The following KANK1 variants were observed in gnomAD, a reference collection of about 807,000 sequenced individuals.
KANK1 encodes the protein KN motif and ankyrin repeat domains 1, also known as KN motif and ankyrin repeat domain-containing protein 1.
A neutral mutation model predicts 106.2 loss-of-function variants in KANK1; 109 were observed. The observed-to-expected ratio is 1.03, with a 90% CI of 0.88 to 1.20. KANK1 has a LOEUF of 1.20. KANK1 is among the 50% of genes most tolerant of loss of function. KANK1 has a pLI of 0.00. For synonymous variants in KANK1, 873 were observed against 652.2 expected (o/e 1.34, Z -5.16); for missense variants, 2,399 against 1,710.7 (o/e 1.40, Z -7.10).
intron 3 of KANK1, among the ~76,000 whole-genome samples, chr9:490,830 G>C (rs1312675694): frequency 6.6e-6 from 1 of 152,044 alleles, no homozygotes; most frequent in East Asian, 1.9e-4. Flanking sequence ...CTCTTGTGGA[G>C]CTTATATTCT....
chr9:572,955 T>A (rs899012116), intron 1 of KANK1, among the ~76,000 whole-genome samples: 1 of 152,222 alleles, frequency 6.6e-6, no homozygotes, highest in African/African-American at 2.4e-5. Context: ...ATTATCACAA[T>A]GTATGTCCTA....
chr9:729,852 G>T (rs575521203), intron 3 of KANK1, among the ~76,000 whole-genome samples, 199 bp from the exon 4 acceptor site: 2 of 152,174 alleles, frequency 1.3e-5, no homozygotes, highest in African/African-American at 2.4e-5. Flanking sequence ...AAGAGGTGCT[G>T]TGGAGTTAGA....
intron 1 of KANK1, among the ~76,000 whole-genome samples, chr9:558,056 A>C (rs538748259): frequency 6.6e-6 from 1 of 152,220 alleles, no homozygotes; most frequent in South Asian, 2.1e-4. Flanking sequence ...CAAGGAACCC[A>C]GGAGTGAAGA....
At chr9:736,237 G>A (rs187835906) in intron 7 of KANK1, among the ~76,000 whole-genome samples, 8 of 152,110 alleles carry the variant, frequency 5.3e-5, no homozygotes, top group African/African-American at 1.9e-4. Context: ...GGATTTACAG[G>A]CATGACCCAC....
chr9:731,139 T>C lies in KANK1; in HGVS notation c.2897-19T>C, dbSNP rs2131739527. Reference sequence around the variant, plus strand: ...TATGGGTGTGAGTTTTCATTTTTATTGCCTTGACTTTTTCACAGCATGTAC... The same window carrying C: ...TATGGGTGTGAGTTTTCATTTTTATCGCCTTGACTTTTTCACAGCATGTAC... On this transcript the variant is annotated intron_variant, in intron 4 of 11. Transcript: ENST00000382297. 1 of 1,438,462 alleles carries C rather than the reference T, an allele frequency of 7.0e-7. No individual in the cohort carries two copies. Among genetic ancestry groups the C allele is most frequent in the Non-Finnish European group, 9.7e-7 (1 of 1,026,580 alleles). 89.1% of individuals were successfully genotyped at this position (1,438,462 alleles called of 1,614,324 possible).
At chr9:560,051 G>A (rs1398568857) in intron 1 of KANK1, among the ~76,000 whole-genome samples, 1 of 152,198 alleles carries the variant, frequency 6.6e-6, no homozygotes, top group African/African-American at 2.4e-5. Flanking sequence ...CTTTTAAACA[G>A]CAGATATGGA....
At chr9:629,981 C>G (rs541448210) in intron 1 of KANK1, among the ~76,000 whole-genome samples, 2 of 152,348 alleles carry the variant, frequency 1.3e-5, no homozygotes, top group Non-Finnish European at 2.9e-5. Flanking sequence ...GGCGCACTGG[C>G]TCACGCCTGT....
At position 731,267 on chromosome 9, in the gene KANK1, G is replaced by A. The variant is rs1017879000; in HGVS notation, c.3005+1G>A. 6.4e-7 allele frequency: 1 copy of A among 1,563,824 alleles called. No individual in the cohort carries two copies. The highest frequency in any genetic ancestry group is 8.8e-7 in the Non-Finnish European group (1 of 1,135,370). ...TTCAGTTTGTTGGCATTAATGGAGGGTAAGGAAAGATGGTGGTTCTAGAGG... is the reference window on the plus strand; with the variant it reads ...TTCAGTTTGTTGGCATTAATGGAGGATAAGGAAAGATGGTGGTTCTAGAGG... On this transcript the variant is annotated splice_donor_variant, in intron 5 of 11. Coordinates refer to ENST00000382297, the MANE Select transcript of KANK1 (RefSeq NM_015158.5). LOFTEE classifies it high-confidence loss of function.
chr9:485,785 C>A (rs377087702), intron 3 of KANK1, among the ~76,000 whole-genome samples: 1 of 151,016 alleles, frequency 6.6e-6, no homozygotes, highest in Non-Finnish European at 1.5e-5. Flanking sequence ...GCAGGAGAAT[C>A]GCTTGAACCT....
chr9:632,726 G>C (rs1410107208), intron 1 of KANK1, among the ~76,000 whole-genome samples: 3 of 152,102 alleles, frequency 2.0e-5, no homozygotes, highest in Non-Finnish European at 4.4e-5. Flanking sequence ...GTCTCTCTCT[G>C]TTGCCCAGGC....
intron 2 of KANK1, among the ~76,000 whole-genome samples, chr9:692,995 CT>C (rs894833584): frequency 2.4e-4 from 37 of 151,890 alleles, no homozygotes; most frequent in African/African-American, 8.9e-4. Context: ...GAGTGATACA[CT>C]ATCTCAAAAA....
intron 1 of KANK1, among the ~76,000 whole-genome samples, chr9:611,170 C>G (rs953119656): frequency 1.3e-5 from 2 of 152,120 alleles, no homozygotes; most frequent in Non-Finnish European, 2.9e-5. Flanking sequence ...TCAGAGATGT[C>G]GCTGTCAGCC....
intron 1 of KANK1, among the ~76,000 whole-genome samples, chr9:581,864 T>G (rs754493234): frequency 2.6e-4 from 39 of 152,258 alleles, no homozygotes; most frequent in Non-Finnish European, 4.7e-4. Context: ...CTGGGGTTGC[T>G]GCACACCTCA....
chr9:683,283 T>C (rs1439197653), intron 2 of KANK1, among the ~76,000 whole-genome samples: 5 of 152,210 alleles, frequency 3.3e-5, no homozygotes, highest in Non-Finnish European at 1.5e-5. Context: ...TTCTTATTTG[T>C]GCTTTGTATT....
intron 1 of KANK1, among the ~76,000 whole-genome samples, chr9:518,371 C>CT (rs1320771369): frequency 2.0e-5 from 3 of 151,564 alleles, no homozygotes; most frequent in Non-Finnish European, 4.4e-5. Context: ...CATCCCGAGC[C>CT]TCCCCTTCTC....
chr9:729,822 G>C (rs1012276467), intron 3 of KANK1, among the ~76,000 whole-genome samples: 1 of 152,150 alleles, frequency 6.6e-6, no homozygotes, highest in Non-Finnish European at 1.5e-5. Context: ...TATGACGGTA[G>C]CAGCCAAAAC....
chr9:696,295 A>C (rs1477229193), intron 2 of KANK1, among the ~76,000 whole-genome samples: 1 of 152,104 alleles, frequency 6.6e-6, no homozygotes, highest in Non-Finnish European at 1.5e-5. Context: ...AAAAAAAAAA[A>C]AAAACTGCTT....
chr9:733,821 A>G (rs1286835531), intron 6 of KANK1: 1 of 152,144 alleles, frequency 6.6e-6, no homozygotes, highest in Non-Finnish European at 1.5e-5. Context: ...TTTTTTAAAA[A>G]CTTAGAACAG....
At chr9:623,568 GC>G (rs1833666737) in intron 1 of KANK1, among the ~76,000 whole-genome samples, 1 of 148,944 alleles carries the variant, frequency 6.7e-6, no homozygotes, top group African/African-American at 2.5e-5. Flanking sequence ...TCATGCCACT[GC>G]CCTCCAGCCT....
Sources: allele counts gnomAD v4.1 joint callset (sites outside exome capture counted in the v4.1 genomes callset), GRCh38; gene constraint gnomAD v4.1.1; transcripts MANE v1.5; gene names NCBI Gene and HGNC (gene_info 2026-07-23, HGNC 2026-07-21).